The following RBMS3 variants were observed in gnomAD, a reference collection of about 807,000 sequenced individuals.
The protein encoded by RBMS3 is RNA binding motif single stranded interacting protein 3.
RBMS3 carries 27 observed loss-of-function variants against 66.8 expected under a neutral mutation model. The observed-to-expected ratio is 0.40, with a 90% CI of 0.30 to 0.56. The LOEUF is 0.56. Among genes scored for constraint, RBMS3 ranks in the 20% least tolerant of loss-of-function variants. The pLI, the probability that RBMS3 is intolerant of heterozygous loss-of-function variation, is 0.40. For missense variants in RBMS3, 513 were observed against 549.5 expected, an observed-to-expected ratio of 0.93 and a Z score of 0.66; for synonymous variants, 188 against 183.0, an observed-to-expected ratio of 1.03 and a Z score of -0.22.
chr3:29,752,859 G>A (rs1332695440), intron 5 of RBMS3, among the ~76,000 whole-genome samples: 2 of 152,094 alleles, frequency 1.3e-5, no homozygotes, highest in African/African-American at 4.8e-5. Context: ...ACAAAGAAGG[G>A]CATAGGTAAA....
intron 1 of RBMS3, among the ~76,000 whole-genome samples, chr3:29,342,206 G>A (rs1327155347): frequency 6.6e-6 from 1 of 152,130 alleles, no homozygotes; most frequent in African/African-American, 2.4e-5. Flanking sequence ...ACAGAAAATG[G>A]AAACCTGGTT....
intron 4 of RBMS3, among the ~76,000 whole-genome samples, chr3:29,711,252 T>C (rs1270304473): frequency 6.6e-6 from 1 of 152,180 alleles, no homozygotes; most frequent in African/African-American, 2.4e-5. Flanking sequence ...CTTAGGTAAC[T>C]GAAACTGTGC....
At chr3:29,934,357 T>C (rs1050762420) in intron 10 of RBMS3, among the ~76,000 whole-genome samples, 1 of 152,022 alleles carries the variant, frequency 6.6e-6, no homozygotes, top group African/African-American at 2.4e-5. Flanking sequence ...GAGGTTATTC[T>C]ATAATTTATC....
chr3:29,989,584 A>AAAATGTTTCCTGGTTT (rs1252009669), intron 13 of RBMS3, among the ~76,000 whole-genome samples: 1 of 152,194 alleles, frequency 6.6e-6, no homozygotes, highest in Non-Finnish European at 1.5e-5. Context: ...TGGATCTTCT[A>AAAATGTTTCCTGGTTT]AAATGTTTCC....
At chr3:29,619,915 G>C (rs143096651) in intron 4 of RBMS3, among the ~76,000 whole-genome samples, 1 of 151,908 alleles carries the variant, frequency 6.6e-6, no homozygotes, top group African/African-American at 2.4e-5. Context: ...GTCTTCCTGA[G>C]TATTTTCCTG....
chr3:29,328,467 C>A (rs1480009000), intron 1 of RBMS3, among the ~76,000 whole-genome samples: 1 of 152,150 alleles, frequency 6.6e-6, no homozygotes, highest in Non-Finnish European at 1.5e-5. Context: ...CCACCCAACC[C>A]TTCATCCCAG....
chr3:29,362,274 C>G (rs1483862502), intron 1 of RBMS3, among the ~76,000 whole-genome samples: 1 of 152,200 alleles, frequency 6.6e-6, no homozygotes, highest in South Asian at 2.1e-4. Context: ...ACAGTCAGGA[C>G]CCTCAGCTGC....
chr3:29,644,320 C>T (rs768685618), intron 4 of RBMS3, among the ~76,000 whole-genome samples: 1 of 152,180 alleles, frequency 6.6e-6, no homozygotes, highest in Non-Finnish European at 1.5e-5. Context: ...AATTTGCATC[C>T]TCTCAACTGA....
At chr3:29,380,385 T>C (rs1007986398) in intron 1 of RBMS3, among the ~76,000 whole-genome samples, 1 of 152,244 alleles carries the variant, frequency 6.6e-6, no homozygotes, top group African/African-American at 2.4e-5. Flanking sequence ...TATATGCTGC[T>C]GTACATATTT....
intron 4 of RBMS3, among the ~76,000 whole-genome samples, chr3:29,665,990 C>A (rs192004114): frequency 6.6e-6 from 1 of 151,980 alleles, no homozygotes; most frequent in African/African-American, 2.4e-5. Context: ...TACAGTTAAC[C>A]CTCTCCTCAC....
chr3:29,517,204 C>A (rs534081366), intron 3 of RBMS3, among the ~76,000 whole-genome samples: 2 of 150,946 alleles, frequency 1.3e-5, no homozygotes, highest in South Asian at 4.2e-4. Context: ...CACAGCGAGA[C>A]CATGTCTCTA....
At chr3:29,472,821 G>T (rs921449211) in intron 2 of RBMS3, among the ~76,000 whole-genome samples, 1 of 152,122 alleles carries the variant, frequency 6.6e-6, no homozygotes, top group Non-Finnish European at 1.5e-5. Flanking sequence ...TGCAAAGAGC[G>T]AAAGAACAAA....
In RBMS3 at chr3:29,975,104, A is replaced by G. The variant is rs1028729286; in HGVS notation, c.1099-13039A>G. 1.5e-4 allele frequency among the ~76,000 whole-genome samples: 21 copies of G among 143,260 alleles called. 1 individual carries two copies. The highest frequency in any genetic ancestry group is 5.1e-4 in the African/African-American group (20 of 38,964). 94.0% of individuals were successfully genotyped at this position (143,260 alleles called of 152,430 possible). On this transcript the variant is annotated intron_variant, in intron 12 of 14. Transcript: ENST00000383767. ...ATATAAAATACATTTCTATATTTAT[A>G]TATTTTATATATAAAATACGTTTAT...
intron 1 of RBMS3, among the ~76,000 whole-genome samples, chr3:29,309,772 A>AATG (rs1335204633): frequency 6.6e-6 from 1 of 151,666 alleles, no homozygotes; most frequent in Non-Finnish European, 1.5e-5. Flanking sequence ...TGAGGGAAAA[A>AATG]ATGCATTGCA....
intron 4 of RBMS3, among the ~76,000 whole-genome samples, chr3:29,603,636 T>C (rs1462747233): frequency 1.3e-5 from 2 of 152,024 alleles, no homozygotes; most frequent in East Asian, 3.9e-4. Context: ...CTAGCTTCCT[T>C]TATTGATTCA....
chr3:29,707,242 A>G (rs2052943469), intron 4 of RBMS3, among the ~76,000 whole-genome samples: 1 of 152,174 alleles, frequency 6.6e-6, no homozygotes, highest in Non-Finnish European at 1.5e-5. Context: ...GCCAATGCCT[A>G]TTTAGTTTCT....
intron 6 of RBMS3, among the ~76,000 whole-genome samples, chr3:29,807,362 A>G (rs898921655): frequency 2.0e-5 from 3 of 151,910 alleles, no homozygotes; most frequent in African/African-American, 7.2e-5. Context: ...AAAATCAAAC[A>G]TTGTATATGA....
At chr3:29,740,437 C>T (rs1456615869) in intron 5 of RBMS3, among the ~76,000 whole-genome samples, 1 of 151,574 alleles carries the variant, frequency 6.6e-6, no homozygotes, top group East Asian at 1.9e-4. Context: ...ATATTTTAGG[C>T]AGAACAGGGG....
intron 2 of RBMS3, among the ~76,000 whole-genome samples, chr3:29,472,550 C>A (rs558953314): frequency 6.6e-6 from 1 of 151,978 alleles, no homozygotes; most frequent in Non-Finnish European, 1.5e-5. Flanking sequence ...ACTCTTAAGG[C>A]GGCGCGTACC....
Sources: gnomAD v4.1 joint callset for allele counts (sites outside exome capture counted in the v4.1 genomes callset) on GRCh38, gnomAD v4.1.1 for gene constraint, MANE v1.5 for transcripts, NCBI Gene and HGNC (gene_info 2026-07-23, HGNC 2026-07-21) for gene names.